The following WDPCP variants were observed in gnomAD, a reference collection of about 807,000 sequenced individuals.
WDPCP encodes WD repeat-containing and planar cell polarity effector protein fritz homolog.
WDPCP carries 71 observed loss-of-function variants against 93.1 expected under a neutral mutation model. The observed-to-expected ratio is 0.76, with a 90% CI of 0.63 to 0.93. The LOEUF is 0.93. Ranked by LOEUF, WDPCP falls within the 40% of genes least tolerant of loss-of-function variation. The probability of loss-of-function intolerance (pLI) is 0.00; values close to 1 mark genes in which losing one functional copy is unlikely to be tolerated. For missense variants in WDPCP, 844 were observed against 887.4 expected (o/e 0.95, Z 0.62); for synonymous variants, 315 against 315.0 (o/e 1.00, Z 0.00).
chr2:63,812,215 A>G (rs1027482503), intron 2 of WDPCP, among the ~76,000 whole-genome samples: 1 of 152,148 alleles, frequency 6.6e-6, no homozygotes, highest in Admixed American at 6.5e-5. Flanking sequence ...AATGGCCTCC[A>G]GCTCCAACCA....
At chr2:63,679,837 T>C (rs1181208171) in intron 2 of WDPCP, among the ~76,000 whole-genome samples, 1 of 152,148 alleles carries the variant, frequency 6.6e-6, no homozygotes, top group Non-Finnish European at 1.5e-5. Flanking sequence ...AGATATCACC[T>C]TTAATCAATT....
intron 17 of WDPCP, among the ~76,000 whole-genome samples, chr2:63,130,135 T>A (rs1213604676): frequency 4.6e-5 from 7 of 152,148 alleles, no homozygotes; most frequent in African/African-American, 1.7e-4. Flanking sequence ...TATCTGTTTT[T>A]TTGTTGTTGT....
At chr2:63,180,125 G>C (rs147490235) in intron 14 of WDPCP, among the ~76,000 whole-genome samples, 1 of 152,142 alleles carries the variant, frequency 6.6e-6, no homozygotes, top group Non-Finnish European at 1.5e-5. Flanking sequence ...CATGGAAATA[G>C]AGTGTACAAT....
chr2:63,472,000 A>G (rs1699719117), intron 6 of WDPCP, among the ~76,000 whole-genome samples: 1 of 152,104 alleles, frequency 6.6e-6, no homozygotes, highest in South Asian at 2.1e-4. Flanking sequence ...TGCAGGTTAC[A>G]TATGTATACA....
intron 15 of WDPCP, among the ~76,000 whole-genome samples, chr2:63,158,993 AAAAAAAG>A (rs1243965598): frequency 1.3e-5 from 2 of 148,232 alleles, no homozygotes; most frequent in African/African-American, 4.9e-5. Flanking sequence ...AAAAAAAAAA[AAAAAAAG>A]CAAAAATTAG....
intron 3 of WDPCP, among the ~76,000 whole-genome samples, chr2:63,638,306 C>T (rs765006503): frequency 4.6e-5 from 7 of 151,006 alleles, no homozygotes; most frequent in South Asian, 2.1e-4. Context: ...TTCTCTCTCT[C>T]TCATTCTCTC....
intron 17 of WDPCP, among the ~76,000 whole-genome samples, chr2:63,142,513 T>A (rs1671145071): frequency 6.6e-6 from 1 of 152,230 alleles, no homozygotes. Flanking sequence ...TTGATATAAT[T>A]TCAATTTTTT....
At chr2:63,742,411 G>C (rs1669738013) in intron 2 of WDPCP, among the ~76,000 whole-genome samples, 1 of 151,712 alleles carries the variant, frequency 6.6e-6, no homozygotes, top group African/African-American at 2.4e-5. Flanking sequence ...CAACATTATA[G>C]GGAGACTTAG....
At chr2:63,436,805 A>G (rs1321769372) in intron 8 of WDPCP, among the ~76,000 whole-genome samples, 1 of 152,106 alleles carries the variant, frequency 6.6e-6, no homozygotes, top group African/African-American at 2.4e-5. Flanking sequence ...GCAAAACTCA[A>G]ATTAAACACA....
At chr2:63,409,644 G>C (rs1052186906) in intron 9 of WDPCP, among the ~76,000 whole-genome samples, 1 of 152,036 alleles carries the variant, frequency 6.6e-6, no homozygotes, top group Admixed American at 6.6e-5. Flanking sequence ...AAGGAAATTC[G>C]AAAAACGATA....
chr2:63,622,751 C>T, intron 3 of WDPCP: 2 of 1,613,030 alleles, frequency 1.2e-6, no homozygotes, highest in Non-Finnish European at 1.7e-6. Flanking sequence ...TATAGGGATT[C>T]GGGTACCGCT....
Position 63,421,883 on chromosome 2 carries a change from C to T in WDPCP, c.825+11862G>A, listed in dbSNP as rs144059674. ...GAAATTATGGGATATTCCTATTCATCCCGTGTCCCTACAAACTAGGATTTT... is the reference window on the plus strand; with the variant it reads ...GAAATTATGGGATATTCCTATTCATTCCGTGTCCCTACAAACTAGGATTTT... On this transcript the variant is annotated intron_variant, in intron 9 of 17. Coordinates refer to ENST00000272321, the MANE Select transcript of WDPCP (RefSeq NM_015910.7). Among the ~76,000 whole-genome samples the T allele has an allele frequency of 1.5e-3, 234 of 152,254 alleles. No individual in the cohort carries two copies. In the Middle Eastern group the frequency reaches 0.02, roughly 13 times the overall value.
intron 2 of WDPCP, among the ~76,000 whole-genome samples, chr2:63,776,841 G>A (rs567231294): frequency 6.6e-6 from 1 of 152,150 alleles, no homozygotes; most frequent in South Asian, 2.1e-4. Context: ...TATGTTAAGT[G>A]AAATAAGCCA....
chr2:63,594,371 CT>C lies in WDPCP; in HGVS notation n.488+56287del. 5 of 851,372 alleles carry C rather than the reference CT, an allele frequency of 5.9e-6. No homozygotes were observed. The South Asian group carries it at 6.7e-5, about 11-fold the overall frequency. 52.7% of individuals were successfully genotyped at this position (851,372 alleles called of 1,614,324 possible). A position where few individuals can be genotyped will look rare whatever the true frequency, so the allele number is the denominator to read the frequency against. ...TTCTACTGAGCCAGATGCAAAAGGA[CT>C]TTAAAATTTTACATTCACTTTTAAA... On this transcript the variant is annotated intron_variant and non_coding_transcript_variant, in intron 3 of 4. Coordinates refer to the WDPCP transcript ENST00000467687.
intron 2 of WDPCP, among the ~76,000 whole-genome samples, chr2:63,694,052 T>G (rs1353439422): frequency 6.6e-6 from 1 of 152,224 alleles, no homozygotes; most frequent in African/African-American, 2.4e-5. Flanking sequence ...TCTGCACATA[T>G]TAAACCTTTA....
intron 14 of WDPCP, among the ~76,000 whole-genome samples, chr2:63,189,994 G>A (rs1014353570): frequency 6.6e-6 from 1 of 152,058 alleles, no homozygotes; most frequent in Non-Finnish European, 1.5e-5. Flanking sequence ...ATTTATTGAA[G>A]GTCTATTTTG....
At position 63,481,419 on chromosome 2, in the gene WDPCP, A is replaced by G. The variant is rs554856000; in HGVS notation, c.384+3185T>C. Among the ~76,000 whole-genome samples the G allele has an allele frequency of 4.1e-4, 63 of 152,180 alleles. 1 individual carries two copies. The South Asian group carries it at 0.013, about 31-fold the overall frequency. ...TCTACCGAGATGAAAAGAAGTCATTATACGAAAAAGATACTTGCCCATGCA... is the reference window on the plus strand; with the variant it reads ...TCTACCGAGATGAAAAGAAGTCATTGTACGAAAAAGATACTTGCCCATGCA... On this transcript the variant is annotated intron_variant, in intron 6 of 17. Coordinates refer to ENST00000272321, the MANE Select transcript of WDPCP (RefSeq NM_015910.7).
At chr2:63,294,270 G>A (rs1285755131) in intron 13 of WDPCP, among the ~76,000 whole-genome samples, 2 of 152,100 alleles carry the variant, frequency 1.3e-5, no homozygotes, top group Non-Finnish European at 2.9e-5. Flanking sequence ...TTGGGAGGCT[G>A]AGGCAGGCAG....
chr2:63,585,780 C>T (rs993311011), intron 1 of WDPCP, among the ~76,000 whole-genome samples: 2 of 149,986 alleles, frequency 1.3e-5, no homozygotes, highest in African/African-American at 4.9e-5. Flanking sequence ...TTAACTAGAT[C>T]TATAACAATT....
Sources: allele counts gnomAD v4.1 joint callset (sites outside exome capture counted in the v4.1 genomes callset), GRCh38; gene constraint gnomAD v4.1.1; transcripts MANE v1.5; gene names NCBI Gene and HGNC (gene_info 2026-07-23, HGNC 2026-07-21).